TRPC7: variants seen among roughly 807,000 people sequenced by gnomAD.
TRPC7 encodes transient receptor potential cation channel subfamily C member 7, also known as short transient receptor potential channel 7.
Under a neutral mutation model 90.1 loss-of-function variants are expected in TRPC7, and 42 were observed. That is an observed-to-expected ratio of 0.47 (90% confidence interval 0.36 to 0.60). The LOEUF (loss-of-function observed/expected upper bound fraction) is 0.60, where lower values mean the gene tolerates loss of function less well. TRPC7 is among the 20% of genes least tolerant of loss of function. The pLI, the probability that TRPC7 is intolerant of heterozygous loss-of-function variation, is 0.00. For missense variants in TRPC7, 955 were observed against 1,112.3 expected, an observed-to-expected ratio of 0.86 and a Z score of 2.01; for synonymous variants, 451 against 436.3, an observed-to-expected ratio of 1.03 and a Z score of -0.42.
intron 7 of TRPC7, among the ~76,000 whole-genome samples, chr5:136,232,617 C>G (rs775378050): frequency 2.6e-5 from 4 of 152,200 alleles, no homozygotes; most frequent in Non-Finnish European, 4.4e-5. Context: ...CGACACTGCT[C>G]TTTGGCCCTT....
chr5:136,347,002 C>T (rs1225390001), intron 2 of TRPC7, among the ~76,000 whole-genome samples: 1 of 152,128 alleles, frequency 6.6e-6, no homozygotes, highest in African/African-American at 2.4e-5. Flanking sequence ...AACATAGAAA[C>T]ACACAGCAAG....
chr5:136,242,400 C>T (rs75411217), intron 7 of TRPC7, among the ~76,000 whole-genome samples: 3 of 152,162 alleles, frequency 2.0e-5, no homozygotes, highest in Non-Finnish European at 2.9e-5. Flanking sequence ...TAGGCCAGCA[C>T]TGGACACAGA....
At chr5:136,250,661 A>G (rs1453826412) in intron 6 of TRPC7, among the ~76,000 whole-genome samples, 1 of 152,220 alleles carries the variant, frequency 6.6e-6, no homozygotes, top group Non-Finnish European at 1.5e-5. Context: ...CTATTTTCAC[A>G]GCAGAGTGCA....
intron 3 of TRPC7, among the ~76,000 whole-genome samples, chr5:136,313,911 G>A (rs1758923088): frequency 1.3e-5 from 2 of 152,088 alleles, no homozygotes. Context: ...TTCATCCCCA[G>A]GGCCATTTTG....
intron 5 of TRPC7, among the ~76,000 whole-genome samples, chr5:136,257,322 A>G (rs1225139594): frequency 2.0e-5 from 3 of 151,740 alleles, no homozygotes; most frequent in South Asian, 2.1e-4. Flanking sequence ...AGCTGGGACT[A>G]CAGGCACACG....
chr5:136,268,332 G>T (rs1030366581), intron 4 of TRPC7, among the ~76,000 whole-genome samples: 1 of 152,106 alleles, frequency 6.6e-6, no homozygotes, highest in Non-Finnish European at 1.5e-5. Context: ...TAGATGAGGA[G>T]AGGGGAGACT....
chr5:136,282,214 G>T (rs1275988252), intron 3 of TRPC7, among the ~76,000 whole-genome samples: 2 of 152,158 alleles, frequency 1.3e-5, no homozygotes, highest in African/African-American at 4.8e-5. Context: ...ATGGAACTGG[G>T]ATGGGGTGTG....
chr5:136,281,577 T>C lies in TRPC7; in HGVS notation c.964-6740A>G, dbSNP rs183513241. ...GTTGGTTCTGCAACTCTGCAGGCCTTGCTGGTGGCTGTGCTGTGCCTTGGT... is the reference window on the plus strand; with the variant it reads ...GTTGGTTCTGCAACTCTGCAGGCCTCGCTGGTGGCTGTGCTGTGCCTTGGT... On this transcript the variant is annotated intron_variant, in intron 3 of 11. Coordinates refer to ENST00000513104, the MANE Select transcript of TRPC7 (RefSeq NM_020389.3). 3.9e-5 allele frequency among the ~76,000 whole-genome samples: 6 copies of C among 152,320 alleles called. No homozygotes were observed. In the East Asian group the frequency reaches 1.2e-3, roughly 29 times the overall value.
chr5:136,247,849 T>G lies in TRPC7; in HGVS notation c.1580-114A>C. On this transcript the variant is annotated intron_variant, in intron 6 of 11. Transcript: ENST00000513104. The surrounding 1 kb of genome is among the most constrained non-coding windows in gnomAD (Gnocchi z 4.2). ...GCATCATTTGCCATTCTTGTCCTTG[T>G]CCTTAAATTAATCCCAATATCCAGA... 1.5e-6 allele frequency: 2 copies of G among 1,337,476 alleles called. No homozygotes were observed. Among genetic ancestry groups the G allele is most frequent in the Middle Eastern group, 2.2e-4 (1 of 4,538 alleles). The allele number at this position is 1,337,476 out of a possible 1,614,324, so 82.9% of individuals were successfully genotyped here.
chr5:136,306,299 A>G (rs1179121776), intron 3 of TRPC7, among the ~76,000 whole-genome samples: 2 of 152,050 alleles, frequency 1.3e-5, no homozygotes, highest in African/African-American at 4.8e-5. Context: ...TAGTTTTTCA[A>G]TTCATACAAA....
intron 3 of TRPC7, among the ~76,000 whole-genome samples, chr5:136,277,438 C>G (rs1167314171): frequency 6.6e-6 from 1 of 152,222 alleles, no homozygotes; most frequent in Non-Finnish European, 1.5e-5. Context: ...GTGTTTACCT[C>G]TATCTGGGAA....
chr5:136,360,704 A>T (rs984236218), intron 1 of TRPC7, among the ~76,000 whole-genome samples: 5 of 152,148 alleles, frequency 3.3e-5, no homozygotes, highest in African/African-American at 1.2e-4. Flanking sequence ...AAATCTTATG[A>T]GCCTTAGAGT....
chr5:136,298,537 C>T (rs771394379), intron 3 of TRPC7, among the ~76,000 whole-genome samples: 4 of 152,174 alleles, frequency 2.6e-5, no homozygotes, highest in Non-Finnish European at 5.9e-5. Context: ...CAGAAACACC[C>T]ATCTCCAGAA....
Position 136,251,743 on chromosome 5 carries a change from C to G in TRPC7, c.1485G>C (p.Lys495Asn). 1 of 1,613,946 alleles carries G rather than the reference C, an allele frequency of 6.2e-7. No individual in the cohort carries two copies. The highest frequency in any genetic ancestry group is 1.3e-5 in the African/African-American group (1 of 75,034). Residue 495 changes from lysine to asparagine, a missense_variant, in exon 6 of 12, where the codon AAG becomes AAC. By Grantham distance (94) the Lys-to-Asn change is moderately conservative. Coordinates refer to ENST00000513104, the MANE Select transcript of TRPC7 (RefSeq NM_020389.3). ...SFTARFMAFL[K>N]ATEAQLYVDQ... ...CCACGTACAGCTGTGCCTCCGTGGC[C>G]TTCAGGAAGGCCATGAAGCGTGCTG...
At chr5:136,223,886 A>G (rs991193529) in intron 10 of TRPC7, among the ~76,000 whole-genome samples, 1 of 152,196 alleles carries the variant, frequency 6.6e-6, no homozygotes, top group African/African-American at 2.4e-5. Flanking sequence ...AAATAGCTCA[A>G]AGCAGATCAA....
chr5:136,251,823 G>A lies in TRPC7; in HGVS notation c.1405C>T (p.His469Tyr). ...CCGAAATCTAGCAGGTTCCACAAGT[G>A]CAGCACGTACTCCCGTGGCCCCTCC... Reference protein sequence around the residue: ...WEEGPREYVLHLWNLLDFGML... With the variant: ...WEEGPREYVLYLWNLLDFGML... The change falls in exon 6 of 12, where the codon CAC becomes TAC. Residue 469 changes from histidine (H) to tyrosine (Y), a missense_variant. Around this residue, in one of 4 missense-constraint regions of TRPC7, gnomAD observed 484 missense variants for 509.6 expected, o/e 0.95. Transcript: ENST00000513104. The A allele has an allele frequency of 6.2e-7, 1 of 1,613,990 alleles. No homozygotes were observed.
intron 1 of TRPC7, among the ~76,000 whole-genome samples, chr5:136,360,430 G>A (rs1760534139): frequency 6.6e-6 from 1 of 151,910 alleles, no homozygotes; most frequent in Admixed American, 6.5e-5. Flanking sequence ...ACAAGGGTAG[G>A]GCATCATATA....
chr5:136,303,066 T>G (rs374643090), intron 3 of TRPC7, among the ~76,000 whole-genome samples: 1 of 152,160 alleles, frequency 6.6e-6, no homozygotes, highest in East Asian at 1.9e-4. Context: ...CGGTCTGGCT[T>G]ACAGTTTCAT....
intron 10 of TRPC7, among the ~76,000 whole-genome samples, chr5:136,217,674 C>T (rs1755313744): frequency 6.6e-6 from 1 of 152,214 alleles, no homozygotes; most frequent in Non-Finnish European, 1.5e-5. Flanking sequence ...CTGAATTTCT[C>T]ATGGACATAG....
Sources: allele counts gnomAD v4.1 joint callset (sites outside exome capture counted in the v4.1 genomes callset), GRCh38; gene constraint gnomAD v4.1.1; regional missense constraint gnomAD v4.1.1; non-coding constraint Gnocchi (gnomAD v3.1); transcripts MANE v1.5; gene names NCBI Gene and HGNC (gene_info 2026-07-23, HGNC 2026-07-21).